The following FHIT variants were observed in gnomAD, a reference collection of about 807,000 sequenced individuals.
FHIT encodes the protein bis(5'-adenosyl)-triphosphatase.
In FHIT, 19 loss-of-function variants were observed where a neutral mutation model predicts 17.9. The observed-to-expected ratio is 1.06, with a 90% CI of 0.74 to 1.56. The LOEUF (loss-of-function observed/expected upper bound fraction) is 1.56, where lower values mean the gene tolerates loss of function less well. FHIT is among the 40% of genes most tolerant of loss of function. FHIT has a pLI of 0.00. For missense variants in FHIT, 248 were observed against 189.2 expected (o/e 1.31, Z -1.82); for synonymous variants, 81 against 69.7 (o/e 1.16, Z -0.81).
chr3:60,507,102 A>C (rs1395850990), intron 5 of FHIT, among the ~76,000 whole-genome samples: 2 of 152,190 alleles, frequency 1.3e-5, no homozygotes, highest in African/African-American at 2.4e-5. Flanking sequence ...CAAGGAAAGA[A>C]ATGTGGTTCC....
At chr3:60,495,352 A>T (rs1207711673) in intron 5 of FHIT, among the ~76,000 whole-genome samples, 2 of 152,210 alleles carry the variant, frequency 1.3e-5, no homozygotes, top group Non-Finnish European at 2.9e-5. Flanking sequence ...ACTCTTAAAG[A>T]AGAAATGGTC....
At chr3:60,136,353 A>G (rs994033071) in intron 5 of FHIT, among the ~76,000 whole-genome samples, 18 of 152,164 alleles carry the variant, frequency 1.2e-4, no homozygotes, top group Admixed American at 7.9e-4. Context: ...CATCCCATAA[A>G]CAGAAAAATA....
chr3:61,200,894 G>A (rs2038991570), intron 1 of FHIT, among the ~76,000 whole-genome samples: 1 of 152,068 alleles, frequency 6.6e-6, no homozygotes, highest in African/African-American at 2.4e-5. Flanking sequence ...ACAAACCTTG[G>A]CCAAATCTAC....
At chr3:60,416,518 T>A (rs1702253855) in intron 5 of FHIT, among the ~76,000 whole-genome samples, 1 of 152,232 alleles carries the variant, frequency 6.6e-6, no homozygotes, top group Admixed American at 6.5e-5. Flanking sequence ...AGACAATGCA[T>A]ACATGAATTA....
At chr3:60,861,158 T>C (rs368214349) in intron 3 of FHIT, among the ~76,000 whole-genome samples, 1 of 34,170 alleles carries the variant, frequency 2.9e-5, no homozygotes, top group Non-Finnish European at 4.9e-5. Flanking sequence ...TCTATATACA[T>C]ATATATCATA....
chr3:60,151,553 G>A lies in FHIT; in HGVS notation c.104-137401C>T, dbSNP rs78298694. 6.4e-3 allele frequency among the ~76,000 whole-genome samples: 981 copies of A among 152,172 alleles called. 16 individuals are homozygous for A. The highest frequency in any genetic ancestry group is 0.022 in the African/African-American group (931 of 41,538). ...GTCCTCCCATTGCAAAATCTGTACC[G>A]TGACTTACAAGGTCTTCTCGATTTG... On this transcript the variant is annotated intron_variant, in intron 5 of 9. Transcript: ENST00000492590.
In FHIT at chr3:60,358,083, G is replaced by C. The variant is rs768008588; in HGVS notation, c.103+178777C>G. On this transcript the variant is annotated intron_variant, in intron 5 of 9. Coordinates refer to ENST00000492590, the MANE Select transcript of FHIT (RefSeq NM_002012.4). ...TTTTATTATATCCTCCAGCTGTCTG[G>C]AGAACCACATAAGTTTTGAGAAAGA... Among the ~76,000 whole-genome samples, 2 of 152,308 alleles carry C rather than the reference G, an allele frequency of 1.3e-5. 1 individual carries two copies. The highest frequency in any genetic ancestry group is 4.8e-5 in the African/African-American group (2 of 41,574).
At chr3:59,885,502 G>A (rs1703585410) in intron 8 of FHIT, among the ~76,000 whole-genome samples, 1 of 150,004 alleles carries the variant, frequency 6.7e-6, no homozygotes, top group Non-Finnish European at 1.5e-5. Context: ...GCTATTCTGA[G>A]AATTCATGAT....
rs869239307 is a variant in FHIT at position 60,976,096 on chromosome 3, C to CTTTTTTTTTTTTTTTTTT, written c.-111+65933_-111+65950dup. Among the ~76,000 whole-genome samples the CTTTTTTTTTTTTTTTTTT allele has an allele frequency of 5.7e-3, 378 of 66,800 alleles. 59 individuals carry two copies. Among genetic ancestry groups the CTTTTTTTTTTTTTTTTTT allele is most frequent in the Non-Finnish European group, 6.7e-3 (258 of 38,290 alleles). 43.8% of individuals were successfully genotyped at this position (66,800 alleles called of 152,430 possible). A position where few individuals can be genotyped will look rare whatever the true frequency, so the allele number is the denominator to read the frequency against. ...CTTTGTATCTTTCGTTTTTCTTTTT[C>CTTTTTTTTTTTTTTTTTT]TTTTTTTTTTTTTTTTTTTTTTTTT... On this transcript the variant is annotated intron_variant, in intron 3 of 9. Coordinates refer to ENST00000492590, the MANE Select transcript of FHIT (RefSeq NM_002012.4).
chr3:59,992,354 G>T (rs1699313469), intron 7 of FHIT, among the ~76,000 whole-genome samples: 1 of 151,924 alleles, frequency 6.6e-6, no homozygotes, highest in Admixed American at 6.6e-5. Flanking sequence ...GCTGCCCAAG[G>T]GGTCTATAGA....
intron 3 of FHIT, among the ~76,000 whole-genome samples, chr3:60,948,047 G>C (rs1158385977): frequency 6.6e-6 from 1 of 152,102 alleles, no homozygotes; most frequent in Non-Finnish European, 1.5e-5. Context: ...GGGTTACTCA[G>C]CACAACACTA....
intron 8 of FHIT, among the ~76,000 whole-genome samples, chr3:59,764,903 C>T (rs1335538619): frequency 1.2e-4 from 6 of 50,754 alleles, no homozygotes; most frequent in African/African-American, 3.2e-4. Context: ...CACACACACA[C>T]ACACACACAC....
At chr3:60,462,362 C>A (rs770834221) in intron 5 of FHIT, among the ~76,000 whole-genome samples, 1 of 152,046 alleles carries the variant, frequency 6.6e-6, no homozygotes, top group Non-Finnish European at 1.5e-5. Context: ...TGGTTTGAAG[C>A]CAACGGTATG....
chr3:59,995,149 CAA>C (rs3836267), intron 7 of FHIT, among the ~76,000 whole-genome samples: 4,838 of 151,714 alleles, frequency 0.032, 106 homozygotes, highest in African/African-American at 0.062. Flanking sequence ...CAGGATAGTA[CAA>C]ATCTGCTGCT....
chr3:60,111,258 G>A (rs573659139), intron 5 of FHIT, among the ~76,000 whole-genome samples: 20 of 152,276 alleles, frequency 1.3e-4, no homozygotes, highest in African/African-American at 2.4e-4. Context: ...ACATATACCC[G>A]TATATAAGGA....
intron 2 of FHIT, among the ~76,000 whole-genome samples, chr3:61,061,622 A>G (rs915407305): frequency 1.3e-5 from 2 of 152,016 alleles, no homozygotes; most frequent in Admixed American, 1.3e-4. Context: ...CACACAGCTC[A>G]GCAATGATGC....
chr3:60,090,468 G>C (rs1174406117), intron 5 of FHIT, among the ~76,000 whole-genome samples: 1 of 152,176 alleles, frequency 6.6e-6, no homozygotes. Flanking sequence ...ATTATCAAGT[G>C]AGCTGGGAGC....
chr3:61,183,122 C>A (rs1321478795), intron 2 of FHIT, among the ~76,000 whole-genome samples: 3 of 152,162 alleles, frequency 2.0e-5, no homozygotes, highest in African/African-American at 7.2e-5. Context: ...GGAACATGCT[C>A]CTGAATTCTG....
intron 7 of FHIT, among the ~76,000 whole-genome samples, chr3:59,943,938 A>G (rs1026410461): frequency 6.6e-6 from 1 of 152,228 alleles, no homozygotes; most frequent in Non-Finnish European, 1.5e-5. Flanking sequence ...GAAAGGCACA[A>G]CACCACTGTC....
Sources: gnomAD v4.1 joint callset for allele counts (sites outside exome capture counted in the v4.1 genomes callset) on GRCh38, gnomAD v4.1.1 for gene constraint, MANE v1.5 for transcripts, NCBI Gene and HGNC (gene_info 2026-07-23, HGNC 2026-07-21) for gene names.